MCM3AP: variants seen among roughly 807,000 people sequenced by gnomAD.
MCM3AP encodes the protein minichromosome maintenance complex component 3 associated protein, also known as germinal-center associated nuclear protein.
In MCM3AP, 126 loss-of-function variants were observed where a neutral mutation model predicts 184.1. That is an observed-to-expected ratio of 0.68 (90% CI 0.59 to 0.79). The LOEUF (loss-of-function observed/expected upper bound fraction) is 0.79, where lower values mean the gene tolerates loss of function less well. MCM3AP is among the 30% of genes least tolerant of loss of function. The probability of loss-of-function intolerance (pLI) is 0.00; values close to 1 mark genes in which losing one functional copy is unlikely to be tolerated. For missense variants in MCM3AP, 2,496 were observed against 2,479.2 expected (o/e 1.01, Z -0.14); for synonymous variants, 1,002 against 979.3 (o/e 1.02, Z -0.43).
At chr21:46,263,387 T>G (rs929550540) in intron 13 of MCM3AP, among the ~76,000 whole-genome samples, 1 of 152,018 alleles carries the variant, frequency 6.6e-6, no homozygotes, top group African/African-American at 2.4e-5. Flanking sequence ...GCAAAAACTT[T>G]ATACGTTGAA....
chr21:46,256,913 C>T lies in MCM3AP; in HGVS notation c.3808G>A (p.Val1270Met), dbSNP rs777057473. The T allele has an allele frequency of 8.7e-6, 14 of 1,610,464 alleles. No homozygotes were observed. Among genetic ancestry groups the T allele is most frequent in the South Asian group, 1.1e-5 (1 of 90,154 alleles). ...GCCCTCAGCCGGTCGCTCACGTCCA[C>T]GCAGCAGGGCGCAGCAGGGAAAGCC... The part of the protein sequence containing the change: ...MRAFPAAPCC[V>M]DVSDRLRALA... Residue 1270 changes from valine (V) to methionine (M), a missense_variant, in exon 17 of 28, where the codon GTG becomes ATG. Around this residue, in one of 5 missense-constraint regions of MCM3AP, gnomAD observed 1,323 missense variants for 1,273.4 expected, o/e 1.04. Transcript: ENST00000291688.
intron 13 of MCM3AP, among the ~76,000 whole-genome samples, chr21:46,261,746 A>G (rs1318538959): frequency 3.3e-5 from 5 of 151,664 alleles, no homozygotes; most frequent in East Asian, 1.9e-4. Flanking sequence ...AAAAAAAAAA[A>G]AAAGAAAGAA....
chr21:46,284,489 G>C lies in MCM3AP; in HGVS notation c.798C>G (p.Ser266Arg), dbSNP rs1227542717. 1 of 1,614,156 alleles carries C rather than the reference G, an allele frequency of 6.2e-7. No individual in the cohort carries two copies. The highest frequency in any genetic ancestry group is 8.5e-7 in the Non-Finnish European group (1 of 1,180,030). Residue 266 changes from serine (S) to arginine (R), a missense_variant, in exon 1 of 28, where the codon AGC (serine) becomes AGG (arginine). This residue lies in a region of MCM3AP where 800 missense variants were observed against 717.1 expected (regional missense o/e 1.12). Transcript: ENST00000291688. Reference sequence around the variant, plus strand: ...CACACCCCTGCCTGACACCTGCTTTGCTAGCCTGGAAAGGTTCGCCCAAAA... The same window carrying C: ...CACACCCCTGCCTGACACCTGCTTTCCTAGCCTGGAAAGGTTCGCCCAAAA... ...SAVLGEPFQA[S>R]KAGVRQGCEE...
chr21:46,264,247 G>A (rs766171220), intron 12 of MCM3AP, 30 bp from the exon 13 acceptor site: 15 of 1,415,588 alleles, frequency 1.1e-5, no homozygotes, highest in Non-Finnish European at 1.4e-5. Context: ...GGGTGTAATG[G>A]AACGTCCCAC....
intron 25 of MCM3AP, 37 bp downstream of exon 25, chr21:46,242,765 T>C (rs1335008304): frequency 6.3e-7 from 1 of 1,579,126 alleles, no homozygotes; most frequent in Non-Finnish European, 8.6e-7. Flanking sequence ...AAATACAGTT[T>C]AGCAAGCAAC....
chr21:46,275,436 A>G (rs1203731819), intron 5 of MCM3AP, 111 bp from the exon 6 acceptor site: 18 of 894,606 alleles, frequency 2.0e-5, no homozygotes, highest in Non-Finnish European at 2.6e-5. Context: ...ACACACACAC[A>G]TTACAAAAGA....
At chr21:46,245,295 A>AT (rs1417417220) in intron 22 of MCM3AP, 98 bp from the exon 23 acceptor site, 3 of 1,101,920 alleles carry the variant, frequency 2.7e-6, no homozygotes, top group Admixed American at 4.9e-5. Context: ...CACAGCAGGT[A>AT]ATACCAGAGT....
At chr21:46,242,336 C>T (rs1427328011) in intron 25 of MCM3AP, 2 of 150,650 alleles carry the variant, frequency 1.3e-5, no homozygotes, top group African/African-American at 2.5e-5. Context: ...TTTTTTTTAA[C>T]CCAAGCTAAA....
intron 17 of MCM3AP, among the ~76,000 whole-genome samples, 155 bp from the exon 18 acceptor site, chr21:46,254,999 T>C (rs1445612677): frequency 2.6e-5 from 4 of 152,232 alleles, no homozygotes; most frequent in Admixed American, 6.5e-5. Context: ...TCATGTTAAG[T>C]ATCCACTGTG....
chr21:46,280,153 G>T lies in MCM3AP; in HGVS notation c.1523-16C>A. ...TTATTGGGGCCTGTGGACATAGGAG[G>T]CAGAAAAGAGTTTATGCAATCACAG... On this transcript the variant is annotated splice_polypyrimidine_tract_variant and intron_variant, in intron 3 of 27. Coordinates refer to ENST00000291688, the MANE Select transcript of MCM3AP (RefSeq NM_003906.5). The T allele has an allele frequency of 6.2e-7, 1 of 1,613,248 alleles. No individual in the cohort carries two copies. Among genetic ancestry groups the T allele is most frequent in the Non-Finnish European group, 8.5e-7 (1 of 1,179,594 alleles).
rs35282554 is a variant in MCM3AP at position 46,274,938 on chromosome 21, CAAAAAAAAA to C, written c.1998+239_1998+247del. 5.7e-4 allele frequency among the ~76,000 whole-genome samples: 55 copies of C among 97,008 alleles called. 1 individual carries two copies. Among genetic ancestry groups the C allele is most frequent in the African/African-American group, 2.3e-3 (54 of 23,316 alleles). 63.6% of individuals were successfully genotyped at this position (97,008 alleles called of 152,430 possible). A position where few individuals can be genotyped will look rare whatever the true frequency, so the allele number is the denominator to read the frequency against. On this transcript the variant is annotated intron_variant, in intron 6 of 27. Coordinates refer to ENST00000291688, the MANE Select transcript of MCM3AP (RefSeq NM_003906.5). ...TAGGTGACAGAGTGAGACCCTGTCT[CAAAAAAAAA>C]AAAAAAAAAAAAGAATTTGAAAAAC...
intron 3 of MCM3AP, 82 bp from the exon 4 acceptor site, chr21:46,280,219 G>C (rs2081314670): frequency 1.4e-6 from 2 of 1,417,534 alleles, no homozygotes; most frequent in South Asian, 1.2e-5. Context: ...TTCTAAGAAA[G>C]TAATATTATT....
chr21:46,259,166 C>T, intron 15 of MCM3AP, 75 bp from the exon 16 acceptor site: 1 of 1,490,574 alleles, frequency 6.7e-7, no homozygotes. Context: ...TTGAAAAGTG[C>T]AAGAGTCAGT....
chr21:46,278,834 C>T (rs1454164643), intron 4 of MCM3AP, among the ~76,000 whole-genome samples: 9 of 151,754 alleles, frequency 5.9e-5, no homozygotes, highest in African/African-American at 1.7e-4. Context: ...CCACCATGCC[C>T]GGCTAATTTT....
At chr21:46,240,790 T>G (rs1601481454) in intron 26 of MCM3AP, 21 bp downstream of exon 26, 1 of 1,608,314 alleles carries the variant, frequency 6.2e-7, no homozygotes, top group Non-Finnish European at 8.5e-7. Flanking sequence ...CACACATGAA[T>G]TAGAAGGAAG....
rs1250870995 is a variant in MCM3AP at position 46,261,330 on chromosome 21, A to G, written c.3417T>C (p.Ser1139=). 6.2e-7 allele frequency: 1 copy of G among 1,613,968 alleles called. No homozygotes were observed. Among genetic ancestry groups the G allele is most frequent in the Non-Finnish European group, 8.5e-7 (1 of 1,180,016 alleles). The change falls in exon 14 of 28, where the codon TCT becomes TCC. Residue 1139 remains serine (S), a synonymous_variant. Transcript: ENST00000291688. ...ILRHIAAEEV[S]KERERREQER... ...CCTGCTCCCTTCGCTCTCTTTCCTT[A>G]GACACTTCTTCAGCTGCAATGTGCC...
intron 19 of MCM3AP, chr21:46,253,510 C>T (rs1229491627): frequency 6.6e-6 from 1 of 152,160 alleles, no homozygotes; most frequent in African/African-American, 2.4e-5. Flanking sequence ...GTGGAATCCC[C>T]CTGGCTGTTC....
rs146201709 is a variant in MCM3AP at position 46,246,349 on chromosome 21, G to A, written c.4605C>T (p.Thr1535=). The A allele has an allele frequency of 2.6e-5, 42 of 1,612,736 alleles. No individual in the cohort carries two copies. In the East Asian group the frequency reaches 4.5e-4, roughly 17 times the overall value. ...SAKLISDYTV[T]EIPDTINDLQ... The stretch of plus-strand genomic sequence containing the variant: ...GATCATTAATGGTATCAGGGATCTC[G>A]GTAACAGTGTAATCTGAAATCAGCT... Residue 1535 remains threonine (T), a synonymous_variant, in exon 22 of 28, where the codon ACC becomes ACT. Transcript: ENST00000291688.
intron 8 of MCM3AP, 114 bp downstream of exon 8, chr21:46,272,447 T>C: frequency 8.9e-7 from 1 of 1,121,390 alleles, no homozygotes; most frequent in Non-Finnish European, 1.3e-6. Context: ...TCCCAACATC[T>C]GCTACCAGAC....
Sources: gnomAD v4.1 joint callset for allele counts (sites outside exome capture counted in the v4.1 genomes callset) on GRCh38, gnomAD v4.1.1 for gene constraint, gnomAD v4.1.1 regional missense constraint, MANE v1.5 for transcripts, NCBI Gene and HGNC (gene_info 2026-07-23, HGNC 2026-07-21) for gene names.